Variants in CRPPA observed in about 807,000 individuals in gnomAD.
CRPPA encodes CDP-L-ribitol pyrophosphorylase A.
CRPPA carries 43 observed loss-of-function variants against 52.0 expected under a neutral mutation model. The ratio of observed to expected loss-of-function variants is 0.83; its 90% CI spans 0.65 to 1.07. The LOEUF (loss-of-function observed/expected upper bound fraction) is 1.07. CRPPA is among the 50% of genes least tolerant of loss of function. CRPPA has a pLI of 0.00. For missense variants in CRPPA, 629 were observed against 551.7 expected, an observed-to-expected ratio of 1.14 and a Z score of -1.40; for synonymous variants, 250 against 203.5, an observed-to-expected ratio of 1.23 and a Z score of -1.94.
rs1781738900 is a variant in CRPPA at position 16,088,357 on chromosome 7, T to A, written c.*3338A>T. The A allele has an allele frequency of 6.6e-6, 1 of 150,962 alleles. No individual in the cohort carries two copies. The highest frequency in any genetic ancestry group is 2.4e-5 in the African/African-American group (1 of 41,120). The allele number at this position is 150,962 out of a possible 1,614,324, so 9.4% of individuals were successfully genotyped here. ...TGAGAATAGACAGCTTTTACTAAAGTAAATTTACAGAAGCAGTGATGAAAA... is the reference window on the plus strand; with the variant it reads ...TGAGAATAGACAGCTTTTACTAAAGAAAATTTACAGAAGCAGTGATGAAAA... On this transcript the variant is annotated 3_prime_UTR_variant, in exon 10 of 10. Transcript: ENST00000407010.
chr7:16,357,891 G>C (rs1169814609), intron 3 of CRPPA, among the ~76,000 whole-genome samples: 1 of 152,146 alleles, frequency 6.6e-6, no homozygotes, highest in Non-Finnish European at 1.5e-5. Context: ...GGCCAGAGTT[G>C]GTGCGTGGTC....
At chr7:16,192,769 T>C (rs1253209513) in intron 9 of CRPPA, among the ~76,000 whole-genome samples, 1 of 152,144 alleles carries the variant, frequency 6.6e-6, no homozygotes, top group Non-Finnish European at 1.5e-5. Context: ...AGATGGAAGC[T>C]CAATACCCTC....
At chr7:16,333,211 T>C (rs1000479849) in intron 3 of CRPPA, among the ~76,000 whole-genome samples, 23 of 152,030 alleles carry the variant, frequency 1.5e-4, no homozygotes, top group Non-Finnish European at 2.2e-4. Context: ...TCAATGCAAA[T>C]ACACACAAAA....
intron 2 of CRPPA, among the ~76,000 whole-genome samples, chr7:16,389,420 G>A (rs996666504): frequency 9.2e-5 from 14 of 152,054 alleles, no homozygotes; most frequent in African/African-American, 3.4e-4. Context: ...GACCAAGTGG[G>A]ATTTATCCCA....
chr7:16,241,185 C>CTTTT (rs943006123), intron 8 of CRPPA, among the ~76,000 whole-genome samples: 1 of 151,926 alleles, frequency 6.6e-6, no homozygotes, highest in Non-Finnish European at 1.5e-5. Flanking sequence ...TGGATGATGA[C>CTTTT]TTTCTTTTCT....
At chr7:16,416,457 T>C (rs1212936665) in intron 1 of CRPPA, among the ~76,000 whole-genome samples, 3 of 152,168 alleles carry the variant, frequency 2.0e-5, no homozygotes, top group Non-Finnish European at 2.9e-5. Context: ...GCATCAGCCT[T>C]GGGAAAGAAT....
At chr7:16,233,581 T>A (rs1414448593) in intron 8 of CRPPA, among the ~76,000 whole-genome samples, 2 of 152,148 alleles carry the variant, frequency 1.3e-5, no homozygotes, top group Non-Finnish European at 2.9e-5. Flanking sequence ...AAAAATACTG[T>A]TGTTTAAAAT....
At chr7:16,336,642 T>C (rs1174826214) in intron 3 of CRPPA, among the ~76,000 whole-genome samples, 1 of 149,250 alleles carries the variant, frequency 6.7e-6, no homozygotes, top group Admixed American at 6.7e-5. Context: ...CCCTATCTGA[T>C]AATAATTAGC....
At chr7:16,303,000 T>G (rs531303448) in intron 4 of CRPPA, among the ~76,000 whole-genome samples, 4 of 152,250 alleles carry the variant, frequency 2.6e-5, no homozygotes, top group African/African-American at 9.6e-5. Flanking sequence ...ATGGAAAAAA[T>G]GAATAACCCA....
Position 16,406,189 on chromosome 7 carries a change from C to CT in CRPPA, c.405dup (p.Ala136SerfsTer10). On this transcript the variant is annotated frameshift_variant, in exon 2 of 10. Coordinates refer to ENST00000407010, the MANE Select transcript of CRPPA (RefSeq NM_001101426.4). LOFTEE classifies it high-confidence loss of function. Reference sequence around the variant, plus strand: ...GAGTTGATCTGATCTTCTGCCAGTGCTTTTAGTCCATTGAAAATTGACCTG... The same window carrying CT: ...GAGTTGATCTGATCTTCTGCCAGTGCTTTTTAGTCCATTGAAAATTGACCTG... 1 of 1,613,984 alleles carries CT rather than the reference C, an allele frequency of 6.2e-7. No individual in the cohort carries two copies. Among genetic ancestry groups the CT allele is most frequent in the Non-Finnish European group, 8.5e-7 (1 of 1,179,888 alleles).
chr7:16,116,611 A>C (rs1782375525), intron 9 of CRPPA, among the ~76,000 whole-genome samples: 1 of 148,768 alleles, frequency 6.7e-6, no homozygotes, highest in Non-Finnish European at 1.5e-5. Flanking sequence ...GCAGTGAGCC[A>C]AGATTGCACC....
At chr7:16,398,570 G>A (rs907156746) in intron 2 of CRPPA, among the ~76,000 whole-genome samples, 7 of 152,038 alleles carry the variant, frequency 4.6e-5, no homozygotes, top group East Asian at 1.9e-4. Context: ...TCAAGTGATC[G>A]ACACGTGTGG....
intron 8 of CRPPA, chr7:16,248,154 G>C (rs1207156928): frequency 6.6e-6 from 1 of 152,094 alleles, no homozygotes; most frequent in Non-Finnish European, 1.5e-5. Context: ...GAGCAACAAA[G>C]TGAGACCCCA....
intron 2 of CRPPA, among the ~76,000 whole-genome samples, chr7:16,402,362 G>A (rs371501583): frequency 3.3e-5 from 5 of 152,232 alleles, no homozygotes; most frequent in Admixed American, 2.0e-4. Context: ...CTGGCAGAAG[G>A]AACAAAAATC....
intron 2 of CRPPA, among the ~76,000 whole-genome samples, chr7:16,383,145 G>A (rs1787158276): frequency 6.6e-6 from 1 of 152,124 alleles, no homozygotes; most frequent in South Asian, 2.1e-4. Context: ...GGTCTTTGAT[G>A]ATGGTGATGT....
intron 5 of CRPPA, among the ~76,000 whole-genome samples, chr7:16,291,229 T>C (rs998767464): frequency 6.6e-6 from 1 of 151,944 alleles, no homozygotes; most frequent in African/African-American, 2.4e-5. Flanking sequence ...TGGAGATTTC[T>C]CAAAAAACTA....
At chr7:16,265,154 C>G (rs1267799322) in intron 6 of CRPPA, among the ~76,000 whole-genome samples, 1 of 152,170 alleles carries the variant, frequency 6.6e-6, no homozygotes, top group East Asian at 1.9e-4. Context: ...GTTATATAAG[C>G]TACAGGCTGC....
intron 2 of CRPPA, among the ~76,000 whole-genome samples, chr7:16,400,647 G>C (rs1324168640): frequency 6.6e-6 from 1 of 152,158 alleles, no homozygotes. Context: ...TTTTTGACAC[G>C]TGACTGACAC....
chr7:16,413,634 T>A (rs182116103), intron 1 of CRPPA, among the ~76,000 whole-genome samples: 14 of 152,368 alleles, frequency 9.2e-5, no homozygotes, highest in Non-Finnish European at 1.3e-4. Context: ...TCTTTACTTG[T>A]GTATCTTGTT....
Sources: allele counts gnomAD v4.1 joint callset (sites outside exome capture counted in the v4.1 genomes callset), GRCh38; gene constraint gnomAD v4.1.1; transcripts MANE v1.5; gene names NCBI Gene and HGNC (gene_info 2026-07-23, HGNC 2026-07-21).